The following LYST variants were observed in gnomAD, a reference collection of about 807,000 sequenced individuals.
LYST encodes lysosomal-trafficking regulator.
In LYST, 192 loss-of-function variants were observed where a neutral mutation model predicts 413.6. The ratio of observed to expected loss-of-function variants is 0.46; its 90% CI spans 0.41 to 0.52. LYST has a LOEUF of 0.52. Ranked by LOEUF, LYST falls within the 20% of genes least tolerant of loss-of-function variation. LYST has a pLI of 0.00. For missense variants in LYST, 3,815 were observed against 4,499.9 expected (o/e 0.85, Z 4.35); for synonymous variants, 1,525 against 1,567.3 (o/e 0.97, Z 0.64).
In LYST at chr1:235,792,358, A is replaced by T. The variant is rs577799191; in HGVS notation, c.4117-233T>A. On this transcript the variant is annotated intron_variant, in intron 11 of 52. Coordinates refer to ENST00000389793, the MANE Select transcript of LYST (RefSeq NM_000081.4). ...AAGACAGAGTCTCACTCTGTTGCCC[A>T]GGCTGGAGTGCAGTTGCACAATCTC... is the stretch of plus-strand genomic sequence containing the variant. Among the ~76,000 whole-genome samples the T allele has an allele frequency of 2.0e-5, 3 of 152,158 alleles. No individual in the cohort carries two copies. The East Asian group carries it at 5.8e-4, about 29-fold the overall frequency.
At chr1:235,703,092 C>A in intron 44 of LYST, 115 bp from the exon 45 acceptor site, 1 of 799,860 alleles carries the variant, frequency 1.3e-6, no homozygotes, top group Non-Finnish European at 2.1e-6. Context: ...GGAAAAAATG[C>A]TTTTGTTCAG....
intron 50 of LYST, among the ~76,000 whole-genome samples, chr1:235,676,661 C>G (rs560391025): frequency 6.6e-6 from 1 of 152,258 alleles, no homozygotes; most frequent in East Asian, 1.9e-4. Flanking sequence ...CTGCCTGATT[C>G]ATGAATCATT....
At chr1:235,834,034 C>CAA (rs1158335585) in intron 1 of LYST, among the ~76,000 whole-genome samples, 1 of 152,144 alleles carries the variant, frequency 6.6e-6, no homozygotes, top group Non-Finnish European at 1.5e-5. Context: ...GTTTTCAACT[C>CAA]AGAGTTCCTA....
intron 47 of LYST, among the ~76,000 whole-genome samples, chr1:235,688,189 A>G (rs1021543491): frequency 6.6e-6 from 1 of 152,254 alleles, no homozygotes. Context: ...GAATTACCAC[A>G]TGGATCCAGT....
chr1:235,715,410 C>A lies in LYST; in HGVS notation c.9628-53G>T, dbSNP rs114737815. ...TCATGATTGTGGGCTCCAGGCAACG[C>A]TAGAAAAGTGCTGGATGTTTTTTTT... On this transcript the variant is annotated intron_variant, in intron 41 of 52. Transcript: ENST00000389793. 9.5e-3 allele frequency: 14,861 copies of A among 1,565,028 alleles called. 101 individuals are homozygous for A. The highest frequency in any genetic ancestry group is 0.012 in the Non-Finnish European group (13,712 of 1,137,936).
At chr1:235,881,396 T>C (rs1681369290) in intron 1 of LYST, among the ~76,000 whole-genome samples, 1 of 152,218 alleles carries the variant, frequency 6.6e-6, no homozygotes, top group Non-Finnish European at 1.5e-5. Context: ...TGAAGATGCA[T>C]ATTTAACATG....
chr1:235,753,172 C>A lies in LYST; in HGVS notation c.7332G>T (p.Leu2444Phe). 1 of 1,607,444 alleles carries A rather than the reference C, an allele frequency of 6.2e-7. No homozygotes were observed. The highest frequency in any genetic ancestry group is 8.5e-7 in the Non-Finnish European group (1 of 1,174,222). ...GGAGAAGAAGTAAAAGAGCATTATG[C>A]AAGAGTATGTTGTCATATAGAGAGG... ...IETSLYDNIL[L>F]HNALLLLLQI... is the part of the protein sequence containing the mutation. The change falls in exon 26 of 53, where the codon TTG (leucine) becomes TTT (phenylalanine). Residue 2444 changes from leucine (L) to phenylalanine (F), a missense_variant. Transcript: ENST00000389793.
intron 46 of LYST, among the ~76,000 whole-genome samples, chr1:235,694,071 G>A (rs909666180): frequency 4.0e-5 from 6 of 149,884 alleles, no homozygotes; most frequent in South Asian, 2.1e-4. Context: ...GTGCCGTGGC[G>A]CAATCTCGGC....
At chr1:235,830,564 T>A in intron 2 of LYST, 140 bp from the exon 3 acceptor site, 1 of 690,852 alleles carries the variant, frequency 1.4e-6, no homozygotes, top group Non-Finnish European at 2.4e-6. Flanking sequence ...CCTATAATAT[T>A]TTCAGGCATA....
chr1:235,672,012 G>T (rs1658981198), intron 50 of LYST, among the ~76,000 whole-genome samples: 1 of 152,182 alleles, frequency 6.6e-6, no homozygotes, highest in South Asian at 2.1e-4. Context: ...AAGTAGAGAA[G>T]ATAATGTCTG....
At chr1:235,663,255 G>C (rs1387831215) in intron 52 of LYST, among the ~76,000 whole-genome samples, 177 bp from the exon 53 acceptor site, 2 of 152,148 alleles carry the variant, frequency 1.3e-5, no homozygotes, top group Non-Finnish European at 2.9e-5. Flanking sequence ...TAGTCACTCT[G>C]CTGACAAGTT....
chr1:235,834,153 T>A (rs1343643722), intron 1 of LYST, among the ~76,000 whole-genome samples: 1 of 152,182 alleles, frequency 6.6e-6, no homozygotes, highest in Non-Finnish European at 1.5e-5. Context: ...AAATTTCATA[T>A]CTTTATTGAA....
chr1:235,862,848 C>CACACACA (rs36022107), intron 1 of LYST, among the ~76,000 whole-genome samples: 1 of 146,392 alleles, frequency 6.8e-6, no homozygotes, highest in African/African-American at 2.6e-5. Flanking sequence ...CACACACACA[C>CACACACA]CCCTTCAAGA....
chr1:235,796,270 G>A (rs1380042198), intron 10 of LYST, among the ~76,000 whole-genome samples: 3 of 151,894 alleles, frequency 2.0e-5, no homozygotes, highest in Non-Finnish European at 4.4e-5. Context: ...AGACAAATAG[G>A]ACTTCATAAA....
chr1:235,734,762 T>A (rs1489547129), intron 31 of LYST, 103 bp from the exon 32 acceptor site: 3 of 771,778 alleles, frequency 3.9e-6, no homozygotes, highest in Middle Eastern at 7.4e-4. Context: ...TTTGGTTGCA[T>A]CTGATTTAAA....
intron 1 of LYST, among the ~76,000 whole-genome samples, chr1:235,846,474 C>T (rs895781030): frequency 6.6e-6 from 1 of 151,948 alleles, no homozygotes; most frequent in Non-Finnish European, 1.5e-5. Flanking sequence ...TCTTCAACAC[C>T]CCCCCAAAAT....
intron 20 of LYST, among the ~76,000 whole-genome samples, chr1:235,768,753 T>C (rs1668376355): frequency 6.6e-6 from 1 of 152,078 alleles, no homozygotes; most frequent in South Asian, 2.1e-4. Flanking sequence ...ATGAACTTAA[T>C]GAAAATTGGC....
rs771319070 is a variant in LYST, at chr1:235,791,843, G to A, written c.4399C>T (p.Pro1467Ser). 6.2e-7 allele frequency: 1 copy of A among 1,614,100 alleles called. No homozygotes were observed. The highest frequency in any genetic ancestry group is 1.7e-5 in the Admixed American group (1 of 60,014). ...ACACTGAAACCTTCTGATAGGTGTG[G>A]CCAGCAGTTTTGCCCCAGCAACGGC... is the stretch of plus-strand genomic sequence containing the variant. The part of the protein sequence containing the change: ...HLPLLGQNCW[P>S]HLSEGFSVSL... Residue 1467 changes from proline to serine, a missense_variant, in exon 12 of 53, where the codon CCA (proline) becomes TCA (serine). Physicochemically the swap from Pro to Ser is moderately conservative, Grantham distance 74 (BLOSUM62 -1). Transcript: ENST00000389793.
At chr1:235,778,290 C>T (rs1572228368) in intron 16 of LYST, among the ~76,000 whole-genome samples, 2 of 151,320 alleles carry the variant, frequency 1.3e-5, no homozygotes, top group Admixed American at 6.6e-5. Flanking sequence ...GATGCCAAAC[C>T]CAGGCTTAGG....
Sources: gnomAD v4.1 joint callset for allele counts (sites outside exome capture counted in the v4.1 genomes callset) on GRCh38, gnomAD v4.1.1 for gene constraint, MANE v1.5 for transcripts, NCBI Gene and HGNC (gene_info 2026-07-23, HGNC 2026-07-21) for gene names.